CDH12: variants seen among roughly 807,000 people sequenced by gnomAD.
CDH12 encodes cadherin-12.
Under a neutral mutation model 74.1 loss-of-function variants are expected in CDH12, and 41 were observed. The observed-to-expected ratio is 0.55, with a 90% confidence interval of 0.43 to 0.72. CDH12 has a LOEUF of 0.72. Among genes scored for constraint, CDH12 ranks in the 30% least tolerant of loss-of-function variants. CDH12 has a pLI of 0.00. For missense variants in CDH12, 945 were observed against 977.2 expected (o/e 0.97, Z 0.44); for synonymous variants, 399 against 355.0 (o/e 1.12, Z -1.39).
chr5:22,670,484 A>G (rs1740848143), intron 1 of CDH12, among the ~76,000 whole-genome samples: 1 of 152,146 alleles, frequency 6.6e-6, no homozygotes, highest in East Asian at 1.9e-4. Flanking sequence ...AATTCCTTCT[A>G]GCTCACTTCT....
At chr5:22,499,917 A>G (rs544982224) in intron 2 of CDH12, among the ~76,000 whole-genome samples, 3 of 152,292 alleles carry the variant, frequency 2.0e-5, no homozygotes, top group East Asian at 3.9e-4. Context: ...TTATGTACTG[A>G]CTACCTAAAA....
chr5:22,471,285 C>T (rs904859713), intron 2 of CDH12, among the ~76,000 whole-genome samples: 6 of 152,274 alleles, frequency 3.9e-5, no homozygotes, highest in African/African-American at 1.4e-4. Flanking sequence ...TATGTATATG[C>T]ATTTCTGCAC....
chr5:22,486,510 G>A (rs893830155), intron 2 of CDH12, among the ~76,000 whole-genome samples: 4 of 145,472 alleles, frequency 2.7e-5, no homozygotes, highest in Non-Finnish European at 3.0e-5. Flanking sequence ...GGAGTTCAAT[G>A]ACACGATCTC....
At chr5:22,296,897 G>GA (rs1039851781) in intron 3 of CDH12, among the ~76,000 whole-genome samples, 1 of 152,036 alleles carries the variant, frequency 6.6e-6, no homozygotes, top group Admixed American at 6.6e-5. Context: ...ACACAGAAGG[G>GA]AAAAATATCT....
intron 1 of CDH12, among the ~76,000 whole-genome samples, chr5:22,768,516 G>A (rs1746638755): frequency 6.6e-6 from 1 of 151,950 alleles, no homozygotes; most frequent in Admixed American, 6.6e-5. Context: ...ATTTTTATTA[G>A]CACAGTTGTA....
chr5:22,375,212 T>C (rs142316624), intron 3 of CDH12, among the ~76,000 whole-genome samples: 2,120 of 152,202 alleles, frequency 0.014, 26 homozygotes, highest in Middle Eastern at 0.027. Context: ...GGAAATCCTC[T>C]TCAATAAATG....
intron 1 of CDH12, among the ~76,000 whole-genome samples, chr5:22,510,462 G>T (rs1736554917): frequency 6.6e-6 from 1 of 152,078 alleles, no homozygotes; most frequent in Admixed American, 6.6e-5. Flanking sequence ...AGTGGGAAAA[G>T]AACAGACTTT....
chr5:22,655,071 T>C (rs1474400870), intron 1 of CDH12, among the ~76,000 whole-genome samples: 1 of 152,252 alleles, frequency 6.6e-6, no homozygotes, highest in Non-Finnish European at 1.5e-5. Context: ...AAAAATTCTT[T>C]GTTTTTATTT....
intron 1 of CDH12, among the ~76,000 whole-genome samples, chr5:22,842,828 G>A (rs1321046604): frequency 6.6e-6 from 1 of 151,974 alleles, no homozygotes; most frequent in East Asian, 1.9e-4. Context: ...ATTCTATCAT[G>A]GTAATACTCC....
chr5:22,429,563 C>G (rs1402184609), intron 2 of CDH12, among the ~76,000 whole-genome samples: 1 of 152,154 alleles, frequency 6.6e-6, no homozygotes, highest in African/African-American at 2.4e-5. Context: ...TTCCTTATTT[C>G]TGCCATCAGC....
chr5:22,812,058 C>A (rs1581025029), intron 1 of CDH12, among the ~76,000 whole-genome samples: 1 of 152,234 alleles, frequency 6.6e-6, no homozygotes, highest in East Asian at 1.9e-4. Context: ...TTAAAGGAAT[C>A]TGAATCTCAG....
intron 10 of CDH12, among the ~76,000 whole-genome samples, chr5:21,796,398 A>C (rs1303489772): frequency 6.6e-6 from 1 of 152,028 alleles, no homozygotes; most frequent in African/African-American, 2.4e-5. Flanking sequence ...AAAGGAATGA[A>C]TGTATCGGTA....
At chr5:22,214,826 C>G (rs901862312) in intron 3 of CDH12, among the ~76,000 whole-genome samples, 5 of 152,156 alleles carry the variant, frequency 3.3e-5, no homozygotes, top group East Asian at 1.9e-4. Context: ...AAATAACCAG[C>G]CTTTCTGTTC....
chr5:22,294,704 CT>C (rs1737547396), intron 3 of CDH12, among the ~76,000 whole-genome samples: 1 of 152,130 alleles, frequency 6.6e-6, no homozygotes, highest in Non-Finnish European at 1.5e-5. Flanking sequence ...GCACAAGTTA[CT>C]TTTTATATAG....
intron 5 of CDH12, among the ~76,000 whole-genome samples, chr5:22,035,409 T>C (rs1739102248): frequency 6.6e-6 from 1 of 152,004 alleles, no homozygotes; most frequent in South Asian, 2.1e-4. Context: ...TATATGCATG[T>C]CATAATGTTA....
At chr5:22,829,029 CA>C (rs1251688713) in intron 1 of CDH12, among the ~76,000 whole-genome samples, 8 of 152,244 alleles carry the variant, frequency 5.3e-5, no homozygotes, top group African/African-American at 1.9e-4. Context: ...GTCAAAGTGG[CA>C]GCCTCAAAAG....
intron 1 of CDH12, among the ~76,000 whole-genome samples, chr5:22,658,989 T>C (rs551930755): frequency 1.6e-4 from 25 of 152,262 alleles, no homozygotes; most frequent in African/African-American, 5.8e-4. Context: ...TCAATTGCAG[T>C]AACAAGTAAA....
At chr5:22,081,937 T>G (rs571576743) in intron 4 of CDH12, among the ~76,000 whole-genome samples, 2 of 152,172 alleles carry the variant, frequency 1.3e-5, no homozygotes, top group African/African-American at 4.8e-5. Flanking sequence ...AACATAAATT[T>G]AACATGCAAA....
intron 8 of CDH12, among the ~76,000 whole-genome samples, chr5:21,838,083 A>T (rs373735741): frequency 3.9e-5 from 6 of 152,302 alleles, no homozygotes; most frequent in African/African-American, 1.4e-4. Context: ...ACTGGAAGGA[A>T]TTTGAACTTC....
Sources: gnomAD v4.1 joint callset for allele counts (sites outside exome capture counted in the v4.1 genomes callset) on GRCh38, gnomAD v4.1.1 for gene constraint, MANE v1.5 for transcripts, NCBI Gene and HGNC (gene_info 2026-07-23, HGNC 2026-07-21) for gene names.